Variants in TMX2 observed in about 807,000 individuals in gnomAD.
TMX2 encodes thioredoxin-related transmembrane protein 2.
Under a neutral mutation model 33.4 loss-of-function variants are expected in TMX2, and 20 were observed. The observed-to-expected ratio is 0.60, with a 90% CI of 0.42 to 0.87. TMX2 has a LOEUF of 0.87. TMX2 is among the 40% of genes least tolerant of loss of function. TMX2 has a pLI of 0.00. For synonymous variants in TMX2, 166 were observed against 140.7 expected, an observed-to-expected ratio of 1.18 and a Z score of -1.27; for missense variants, 340 against 370.7, an observed-to-expected ratio of 0.92 and a Z score of 0.68.
At chr11:57,717,981 C>A in intron 1 of TMX2, 1 of 759,316 alleles carries the variant, frequency 1.3e-6, no homozygotes, top group East Asian at 2.5e-5. Context: ...GGGGTGCTCT[C>A]CTGAGAGGAG....
intron 1 of TMX2, among the ~76,000 whole-genome samples, chr11:57,732,208 T>A (rs1381112422): frequency 6.6e-6 from 1 of 152,210 alleles, no homozygotes; most frequent in East Asian, 1.9e-4. Flanking sequence ...AGCAAAACTT[T>A]AGAAGGTGGA....
At chr11:57,722,221 C>T (rs746332796) in intron 1 of TMX2, among the ~76,000 whole-genome samples, 34 of 152,046 alleles carry the variant, frequency 2.2e-4, no homozygotes, top group Non-Finnish European at 3.1e-4. Flanking sequence ...AGGCTGGTCT[C>T]GAACTCCTGA....
intron 1 of TMX2, among the ~76,000 whole-genome samples, chr11:57,725,253 C>T (rs1947903979): frequency 6.6e-6 from 1 of 152,076 alleles, no homozygotes; most frequent in Non-Finnish European, 1.5e-5. Context: ...ATTTATCTCT[C>T]CCTGTTTTAC....
At chr11:57,715,121 C>T (rs1330099831) in intron 1 of TMX2, among the ~76,000 whole-genome samples, 1 of 152,136 alleles carries the variant, frequency 6.6e-6, no homozygotes, top group Non-Finnish European at 1.5e-5. Context: ...GACACTTGGC[C>T]AGGCATGGTG....
At chr11:57,722,020 G>C (rs1447940931) in intron 1 of TMX2, among the ~76,000 whole-genome samples, 1 of 152,098 alleles carries the variant, frequency 6.6e-6, no homozygotes, top group Non-Finnish European at 1.5e-5. Context: ...GGGGGAGACA[G>C]GGTCTTGTTC....
At position 57,733,115 on chromosome 11, in the gene TMX2, T is replaced by C. The variant is rs563225736; in HGVS notation, c.190-4493T>C. On this transcript the variant is annotated intron_variant, in intron 1 of 7. Transcript: ENST00000278422. The stretch of plus-strand genomic sequence containing the variant: ...TTATAATCTTATGGGACCACTGTTG[T>C]ATATGTGGTCTATTGCTGACCAAAA... 8.5e-5 allele frequency among the ~76,000 whole-genome samples: 13 copies of C among 152,166 alleles called. No individual in the cohort carries two copies. The South Asian group carries it at 1.7e-3, about 19-fold the overall frequency.
At chr11:57,721,099 C>T (rs568376353) in intron 1 of TMX2, among the ~76,000 whole-genome samples, 29 of 149,652 alleles carry the variant, frequency 1.9e-4, no homozygotes, top group Admixed American at 1.2e-3. Flanking sequence ...CTCAGGAGTT[C>T]GAGACCAGCC....
intron 1 of TMX2, among the ~76,000 whole-genome samples, chr11:57,726,825 A>G (rs1009702877): frequency 2.6e-5 from 4 of 152,202 alleles, no homozygotes; most frequent in Non-Finnish European, 5.9e-5. Context: ...GGAAAGAGAG[A>G]TTAAATTTAT....
intron 1 of TMX2, among the ~76,000 whole-genome samples, chr11:57,714,480 T>C (rs963337014): frequency 1.3e-5 from 2 of 152,200 alleles, no homozygotes; most frequent in Admixed American, 1.3e-4. Flanking sequence ...TTTCCTAGAT[T>C]GTAGGTTGTG....
intron 1 of TMX2, among the ~76,000 whole-genome samples, chr11:57,734,179 A>C (rs1001160571): frequency 6.8e-6 from 1 of 147,468 alleles, no homozygotes; most frequent in African/African-American, 2.6e-5. Context: ...AAAAAAAAAA[A>C]AAAAAAAAGG....
At chr11:57,717,509 C>T (rs1001777525) in intron 1 of TMX2, among the ~76,000 whole-genome samples, 22 of 151,940 alleles carry the variant, frequency 1.4e-4, no homozygotes, top group African/African-American at 2.2e-4. Flanking sequence ...GAGACCAGCC[C>T]GGCCAACACA....
At chr11:57,726,345 G>C (rs766404380) in intron 1 of TMX2, among the ~76,000 whole-genome samples, 1 of 151,854 alleles carries the variant, frequency 6.6e-6, no homozygotes, top group Non-Finnish European at 1.5e-5. Flanking sequence ...CCCGGGAGGC[G>C]GAGGTTGCAG....
At chr11:57,719,179 G>A (rs12785533) in intron 1 of TMX2, among the ~76,000 whole-genome samples, 37,462 of 150,320 alleles carry the variant, frequency 0.25, 5,437 homozygotes, top group Non-Finnish European at 0.33. Flanking sequence ...GGGATTACAG[G>A]TGCACGCCAC....
At chr11:57,738,851 T>C (rs1331356622) in intron 5 of TMX2, 81 bp downstream of exon 5, 2 of 1,548,722 alleles carry the variant, frequency 1.3e-6, no homozygotes, top group Non-Finnish European at 1.8e-6. Context: ...TCTTTTTCTT[T>C]TGGCCTTGAT....
intron 1 of TMX2, among the ~76,000 whole-genome samples, chr11:57,731,790 A>G (rs1194484819): frequency 2.0e-5 from 3 of 152,132 alleles, no homozygotes; most frequent in African/African-American, 7.2e-5. Context: ...GACCCACAGC[A>G]CAATTTGTAT....
At chr11:57,716,697 C>T (rs1369780742) in intron 1 of TMX2, among the ~76,000 whole-genome samples, 1 of 146,668 alleles carries the variant, frequency 6.8e-6, no homozygotes, top group Non-Finnish European at 1.5e-5. Context: ...GACGGGGCGG[C>T]AGGCCGGGTG....
chr11:57,726,000 G>GT (rs1947953286), intron 1 of TMX2, among the ~76,000 whole-genome samples: 1 of 152,128 alleles, frequency 6.6e-6, no homozygotes, highest in African/African-American at 2.4e-5. Context: ...TACAGATACA[G>GT]ATATGTATAT....
rs367827761 is a variant in TMX2 at position 57,715,586 on chromosome 11, C to CTTT, written c.189+2787_189+2789dup. Among the ~76,000 whole-genome samples, 69 of 130,108 alleles carry CTTT rather than the reference C, an allele frequency of 5.3e-4. 2 individuals are homozygous for CTTT. The highest frequency in any genetic ancestry group is 1.7e-3 in the East Asian group (7 of 4,124). The allele number at this position is 130,108 out of a possible 152,430, so 85.4% of individuals were successfully genotyped here. The stretch of plus-strand genomic sequence containing the variant: ...TTTATAACCTCTTAGAATTTGTTTT[C>CTTT]TTTTTTTTTTCTTTTATTGATCATT... On this transcript the variant is annotated intron_variant, in intron 1 of 7. Transcript: ENST00000278422.
At chr11:57,718,528 C>G (rs1489918469) in intron 1 of TMX2, 13 of 730,148 alleles carry the variant, frequency 1.8e-5, no homozygotes, top group Non-Finnish European at 3.0e-5. Flanking sequence ...CGGGGTTGAC[C>G]ATGGCTGATA....
Sources: gnomAD v4.1 joint callset for allele counts (sites outside exome capture counted in the v4.1 genomes callset) on GRCh38, gnomAD v4.1.1 for gene constraint, MANE v1.5 for transcripts, NCBI Gene and HGNC (gene_info 2026-07-23, HGNC 2026-07-21) for gene names.